CDH12: variants seen among roughly 807,000 people sequenced by gnomAD.
The protein encoded by CDH12 is cadherin-12.
Under a neutral mutation model 74.1 loss-of-function variants are expected in CDH12, and 41 were observed. That is an observed-to-expected ratio of 0.55 (90% CI 0.43 to 0.72). CDH12 has a LOEUF of 0.72. Ranked by LOEUF, CDH12 falls within the 30% of genes least tolerant of loss-of-function variation. CDH12 has a pLI of 0.00. For missense variants in CDH12, 945 were observed against 977.2 expected (o/e 0.97, Z 0.44); for synonymous variants, 399 against 355.0 (o/e 1.12, Z -1.39).
At chr5:21,821,687 T>C (rs774323128) in intron 8 of CDH12, among the ~76,000 whole-genome samples, 1 of 151,886 alleles carries the variant, frequency 6.6e-6, no homozygotes, top group African/African-American at 2.4e-5. Flanking sequence ...TAAACATTTT[T>C]AAAAACTCAA....
chr5:21,833,344 CATATA>C (rs1432311617), intron 8 of CDH12, among the ~76,000 whole-genome samples: 1 of 31,634 alleles, frequency 3.2e-5, no homozygotes, highest in Non-Finnish European at 4.9e-5. Flanking sequence ...TATTATATAA[CATATA>C]ATATATATTA....
chr5:22,077,059 T>C (rs1312651015), intron 5 of CDH12, among the ~76,000 whole-genome samples: 1 of 151,324 alleles, frequency 6.6e-6, no homozygotes, highest in African/African-American at 2.4e-5. Flanking sequence ...TGTGTGTGTG[T>C]GTGTGTGTGT....
chr5:22,300,536 T>C lies in CDH12; in HGVS notation c.-332-87893A>G, dbSNP rs192466518. Among the ~76,000 whole-genome samples, 742 of 152,328 alleles carry C rather than the reference T, an allele frequency of 4.9e-3. 3 individuals are homozygous for C. Among genetic ancestry groups the C allele is most frequent in the African/African-American group, 0.017 (711 of 41,584 alleles). ...CTTTCAAATAACTGATTACCAGCCCTGCCATACTCCAGTTTTCAATTGAAA... is the reference window on the plus strand; with the variant it reads ...CTTTCAAATAACTGATTACCAGCCCCGCCATACTCCAGTTTTCAATTGAAA... On this transcript the variant is annotated intron_variant, in intron 3 of 14. Coordinates refer to ENST00000382254, the MANE Select transcript of CDH12 (RefSeq NM_004061.5).
At chr5:22,288,013 G>C (rs1737231365) in intron 3 of CDH12, among the ~76,000 whole-genome samples, 1 of 151,998 alleles carries the variant, frequency 6.6e-6, no homozygotes, top group African/African-American at 2.4e-5. Context: ...ATCCTGAATG[G>C]TGCACAGAGC....
At chr5:22,078,168 T>C (rs1328288612) in intron 5 of CDH12, among the ~76,000 whole-genome samples, 1 of 152,144 alleles carries the variant, frequency 6.6e-6, no homozygotes, top group African/African-American at 2.4e-5. Flanking sequence ...ATTTTCATAC[T>C]TTAACTTCAT....
intron 1 of CDH12, among the ~76,000 whole-genome samples, chr5:22,670,862 C>A (rs1270034697): frequency 1.3e-5 from 2 of 151,928 alleles, no homozygotes; most frequent in Non-Finnish European, 2.9e-5. Context: ...AAAATGTAAT[C>A]TTTATTTTGC....
intron 1 of CDH12, among the ~76,000 whole-genome samples, chr5:22,792,052 C>T (rs1747935604): frequency 6.7e-6 from 1 of 150,192 alleles, no homozygotes; most frequent in Admixed American, 6.6e-5. Flanking sequence ...CCTTTATAAG[C>T]ACTTTTTTGC....
intron 13 of CDH12, among the ~76,000 whole-genome samples, chr5:21,757,162 A>T (rs912085767): frequency 6.6e-6 from 1 of 151,944 alleles, no homozygotes; most frequent in Non-Finnish European, 1.5e-5. Context: ...ACCCTTTTTA[A>T]AATGTTTATT....
chr5:22,429,488 A>T (rs1359437198), intron 2 of CDH12, among the ~76,000 whole-genome samples: 4 of 151,988 alleles, frequency 2.6e-5, no homozygotes, highest in Non-Finnish European at 5.9e-5. Flanking sequence ...CAAGGGAAAA[A>T]TTTCTTTTAA....
chr5:21,851,519 G>A (rs961548481), intron 7 of CDH12, among the ~76,000 whole-genome samples: 1 of 150,536 alleles, frequency 6.6e-6, no homozygotes, highest in African/African-American at 2.4e-5. Context: ...TTTTATAAAT[G>A]TTAAGTATAA....
At chr5:22,024,550 T>C (rs956723038) in intron 5 of CDH12, among the ~76,000 whole-genome samples, 6 of 152,188 alleles carry the variant, frequency 3.9e-5, no homozygotes, top group African/African-American at 1.4e-4. Flanking sequence ...TCTCACTCTG[T>C]CACCCAGGCT....
chr5:21,751,825 T>A lies in CDH12; in HGVS notation c.2297A>T (p.Asp766Val). 1.9e-6 allele frequency: 3 copies of A among 1,614,122 alleles called. No homozygotes were observed. The highest frequency in any genetic ancestry group is 2.5e-6 in the Non-Finnish European group (3 of 1,180,008). ...SLTTEADQDYDYLTDWGPRFK... is the reference protein window; with the variant it reads ...SLTTEADQDYVYLTDWGPRFK... Reference sequence around the variant, plus strand: ...GCGGGGTCCCCAGTCTGTCAGATAGTCATAGTCCTGGTCGGCTTCTGTGGT... The same window carrying A: ...GCGGGGTCCCCAGTCTGTCAGATAGACATAGTCCTGGTCGGCTTCTGTGGT... The change falls in exon 15 of 15, where the codon GAC becomes GTC. Residue 766 changes from aspartate to valine, a missense_variant. Around this residue, in one of 3 missense-constraint regions of CDH12, gnomAD observed 791 missense variants for 792.8 expected, o/e 1.00. Coordinates refer to ENST00000382254, the MANE Select transcript of CDH12 (RefSeq NM_004061.5).
At chr5:22,066,923 T>C (rs1295550412) in intron 5 of CDH12, among the ~76,000 whole-genome samples, 1 of 152,188 alleles carries the variant, frequency 6.6e-6, no homozygotes, top group Non-Finnish European at 1.5e-5. Context: ...TGTGGCTTCA[T>C]TGCTTGAGAG....
rs113499272 is a variant in CDH12, at chr5:21,883,971, C to A, written c.527-29181G>T. On this transcript the variant is annotated intron_variant, in intron 6 of 14. Transcript: ENST00000382254. Reference sequence around the variant, plus strand: ...CTCATTGACTCCAGCTAATGAAGATCAAAAAATTGGTATGGAAATTATTAA... The same window carrying A: ...CTCATTGACTCCAGCTAATGAAGATAAAAAAATTGGTATGGAAATTATTAA... 314 of 1,600,802 alleles carry A rather than the reference C, an allele frequency of 2.0e-4. 1 individual carries two copies. The African/African-American group carries it at 3.7e-3, about 19-fold the overall frequency.
chr5:22,559,179 A>G (rs1738935914), intron 1 of CDH12, among the ~76,000 whole-genome samples: 1 of 152,046 alleles, frequency 6.6e-6, no homozygotes, highest in Non-Finnish European at 1.5e-5. Flanking sequence ...CAGAGAAGTA[A>G]TTTACCCCAT....
At chr5:22,780,994 A>G (rs1398768823) in intron 1 of CDH12, among the ~76,000 whole-genome samples, 2 of 152,188 alleles carry the variant, frequency 1.3e-5, no homozygotes, top group Admixed American at 6.5e-5. Context: ...ACCCATTCCT[A>G]TAAGTCCTCT....
rs139814101 is a variant in CDH12 at position 22,268,626 on chromosome 5, T to A, written c.-332-55983A>T. ...GATGTTAAGGTTTAGGCAATGTCCA[T>A]AGCTAACATAGTTTGATGATTCAAA... On this transcript the variant is annotated intron_variant, in intron 3 of 14. Coordinates refer to ENST00000382254, the MANE Select transcript of CDH12 (RefSeq NM_004061.5). Among the ~76,000 whole-genome samples, 273 of 152,256 alleles carry A rather than the reference T, an allele frequency of 1.8e-3. 2 individuals are homozygous for A. The highest frequency in any genetic ancestry group is 6.2e-3 in the African/African-American group (256 of 41,564).
At chr5:21,978,576 C>G (rs1420177754) in intron 5 of CDH12, among the ~76,000 whole-genome samples, 1 of 151,996 alleles carries the variant, frequency 6.6e-6, no homozygotes, top group East Asian at 1.9e-4. Context: ...TATATACACA[C>G]TATATAAATA....
chr5:21,923,758 T>C (rs901270104), intron 6 of CDH12, among the ~76,000 whole-genome samples: 1 of 152,222 alleles, frequency 6.6e-6, no homozygotes, highest in African/African-American at 2.4e-5. Flanking sequence ...CATATGGATC[T>C]TGGTATAATT....
Sources: allele counts gnomAD v4.1 joint callset (sites outside exome capture counted in the v4.1 genomes callset), GRCh38; gene constraint gnomAD v4.1.1; regional missense constraint gnomAD v4.1.1; transcripts MANE v1.5; gene names NCBI Gene and HGNC (gene_info 2026-07-23, HGNC 2026-07-21).